Variants in LRBA observed in about 807,000 individuals in gnomAD.
The protein encoded by LRBA is lipopolysaccharide-responsive and beige-like anchor protein.
In LRBA, 176 loss-of-function variants were observed where a neutral mutation model predicts 330.0. The observed-to-expected ratio is 0.53, with a 90% CI of 0.47 to 0.60. LRBA has a LOEUF of 0.60. Among genes scored for constraint, LRBA ranks in the 20% least tolerant of loss-of-function variants. The pLI is 0.00. For missense variants in LRBA, 3,259 were observed against 3,444.8 expected, an observed-to-expected ratio of 0.95 and a Z score of 1.35; for synonymous variants, 1,230 against 1,193.0, an observed-to-expected ratio of 1.03 and a Z score of -0.64.
At chr4:150,863,922 T>G (rs376173305) in intron 22 of LRBA, among the ~76,000 whole-genome samples, 1 of 152,220 alleles carries the variant, frequency 6.6e-6, no homozygotes. Flanking sequence ...TTTGGTCTCA[T>G]GACACTTTAT....
At chr4:150,488,585 C>T (rs1436114545) in intron 41 of LRBA, among the ~76,000 whole-genome samples, 1 of 151,194 alleles carries the variant, frequency 6.6e-6, no homozygotes, top group African/African-American at 2.4e-5. Flanking sequence ...TAAATTTTTA[C>T]CCATTTAAAG....
At chr4:150,743,987 T>G (rs1435006682) in intron 35 of LRBA, among the ~76,000 whole-genome samples, 2 of 152,200 alleles carry the variant, frequency 1.3e-5, no homozygotes, top group Admixed American at 1.3e-4. Flanking sequence ...CTCTCTTCTA[T>G]CCCCAAACTG....
chr4:150,473,389 C>T (rs1464558348), intron 42 of LRBA, among the ~76,000 whole-genome samples: 2 of 152,022 alleles, frequency 1.3e-5, no homozygotes, highest in African/African-American at 4.8e-5. Flanking sequence ...GATTAAGTGA[C>T]CTTAGAGAGC....
At chr4:150,717,409 TCATATATGTAATCC>T (rs974839037) in intron 36 of LRBA, among the ~76,000 whole-genome samples, 11 of 152,068 alleles carry the variant, frequency 7.2e-5, no homozygotes, top group South Asian at 2.1e-4. Flanking sequence ...ACATAGTGGC[TCATATATGTAATCC>T]CACCACTTTG....
At chr4:150,311,431 A>G (rs1012374976) in intron 51 of LRBA, 1 of 152,180 alleles carries the variant, frequency 6.6e-6, no homozygotes, top group Non-Finnish European at 1.5e-5. Flanking sequence ...TATGCTATTC[A>G]TTGTATGTAA....
intron 33 of LRBA, among the ~76,000 whole-genome samples, chr4:150,801,309 C>T (rs2218899): frequency 0.87 from 133,001 of 152,094 alleles, 58,552 homozygotes; most frequent in Non-Finnish European, 0.94. Context: ...ATCTTGAAAA[C>T]ACTAAGTCGA....
In LRBA at chr4:150,969,871, G is replaced by A. The variant is rs929184932; in HGVS notation, c.217-40806C>T. On this transcript the variant is annotated intron_variant, in intron 2 of 56. Coordinates refer to ENST00000651943, the MANE Select transcript of LRBA (RefSeq NM_001364905.1). ...ATCTTACATAAATTTAGTTGATAAC[G>A]CAGTAGCAGAATTTGAGAGGACTGA... 7.2e-5 allele frequency among the ~76,000 whole-genome samples: 11 copies of A among 152,304 alleles called. No homozygotes were observed. In the South Asian group the frequency reaches 8.3e-4, roughly 11 times the overall value.
intron 40 of LRBA, among the ~76,000 whole-genome samples, chr4:150,505,744 A>G (rs1043017348): frequency 1.1e-4 from 17 of 152,226 alleles, no homozygotes; most frequent in African/African-American, 4.1e-4. Flanking sequence ...GCAGAACTGA[A>G]GGAAATAGAG....
intron 36 of LRBA, among the ~76,000 whole-genome samples, chr4:150,685,491 C>T (rs1372254853): frequency 1.3e-4 from 16 of 119,534 alleles, no homozygotes; most frequent in Admixed American, 4.0e-4. Context: ...AGTGCAGTGG[C>T]GTGATCTTCT....
At chr4:150,294,431 G>A (rs1728707923) in intron 53 of LRBA, among the ~76,000 whole-genome samples, 1 of 152,190 alleles carries the variant, frequency 6.6e-6, no homozygotes, top group African/African-American at 2.4e-5. Flanking sequence ...AGCTATGTGA[G>A]CTCCCTTGGG....
At chr4:150,270,605 A>G (rs1437709023) in intron 56 of LRBA, among the ~76,000 whole-genome samples, 2 of 152,228 alleles carry the variant, frequency 1.3e-5, no homozygotes, top group Non-Finnish European at 2.9e-5. Context: ...TGATGGTGGC[A>G]CAACACTGTA....
intron 9 of LRBA, among the ~76,000 whole-genome samples, chr4:150,911,553 C>T (rs1248703561): frequency 6.6e-6 from 1 of 152,062 alleles, no homozygotes; most frequent in Non-Finnish European, 1.5e-5. Context: ...CGTAATTTGA[C>T]ATTGTGTATA....
chr4:150,319,645 G>C (rs1413346219), intron 50 of LRBA, among the ~76,000 whole-genome samples: 12 of 152,194 alleles, frequency 7.9e-5, no homozygotes, highest in African/African-American at 2.6e-4. Context: ...CATTTTTACT[G>C]TCTCTACCTT....
At chr4:150,659,900 G>GT (rs1780793136) in intron 37 of LRBA, among the ~76,000 whole-genome samples, 2 of 89,150 alleles carry the variant, frequency 2.2e-5, no homozygotes, top group African/African-American at 3.4e-5. Flanking sequence ...CGGGAGGGAG[G>GT]TGGGGGGGTC....
chr4:150,997,307 A>T (rs1160320997), intron 2 of LRBA, among the ~76,000 whole-genome samples: 1 of 152,182 alleles, frequency 6.6e-6, no homozygotes, highest in African/African-American at 2.4e-5. Flanking sequence ...AATAGAAATG[A>T]CTCCTGAAAT....
At chr4:150,296,977 T>A (rs1201369086) in intron 53 of LRBA, among the ~76,000 whole-genome samples, 1 of 146,688 alleles carries the variant, frequency 6.8e-6, no homozygotes. Context: ...TTTAGTTGAC[T>A]AGAAGGAATT....
At chr4:150,678,311 G>A (rs535486698) in intron 37 of LRBA, among the ~76,000 whole-genome samples, 1 of 151,364 alleles carries the variant, frequency 6.6e-6, no homozygotes, top group Non-Finnish European at 1.5e-5. Context: ...CAAATCTAGT[G>A]CCATAAGTAT....
In LRBA at chr4:150,828,453, C is replaced by A; in HGVS notation, c.4898G>T (p.Gly1633Val). ...PHTAPPGVSA[G>V]PDAISEVLST... ...TAGCACCTCGCTGATTGCATCTGGG[C>A]CTGCACTGACACCAGGAGGTGCTGT... is the stretch of plus-strand genomic sequence containing the variant. Residue 1633 changes from glycine to valine, a missense_variant, in exon 30 of 57, where the codon GGC (glycine) becomes GTC (valine). Gly to Val is a moderately radical substitution (Grantham distance 109). Transcript: ENST00000651943. 2 of 1,614,100 alleles carry A rather than the reference C, an allele frequency of 1.2e-6. No individual in the cohort carries two copies. Among genetic ancestry groups the A allele is most frequent in the South Asian group, 1.1e-5 (1 of 91,080 alleles).
intron 37 of LRBA, among the ~76,000 whole-genome samples, chr4:150,657,232 A>G (rs1416656045): frequency 6.6e-6 from 1 of 152,218 alleles, no homozygotes; most frequent in Admixed American, 6.5e-5. Flanking sequence ...TAAAGCAAAG[A>G]ACATTTTACG....
Sources: gnomAD v4.1 joint callset for allele counts (sites outside exome capture counted in the v4.1 genomes callset) on GRCh38, gnomAD v4.1.1 for gene constraint, MANE v1.5 for transcripts, NCBI Gene and HGNC (gene_info 2026-07-23, HGNC 2026-07-21) for gene names.